Variants in GOLGA6L2 observed in about 807,000 individuals in gnomAD.
GOLGA6L2 encodes golgin A6 family like 2, also known as golgin subfamily A member 6-like protein 2.
In GOLGA6L2, 30 loss-of-function variants were observed where a neutral mutation model predicts 35.9. The ratio of observed to expected loss-of-function variants is 0.83; its 90% CI spans 0.62 to 1.13. GOLGA6L2 has a LOEUF of 1.13. Among genes scored for constraint, GOLGA6L2 ranks in the 50% most tolerant of loss-of-function variants. The pLI is 0.00. For missense variants in GOLGA6L2, 821 were observed against 973.4 expected (o/e 0.84, Z 2.08); for synonymous variants, 297 against 344.0 (o/e 0.86, Z 1.51).
chr15:23,439,802 G>A lies in GOLGA6L2; in HGVS notation c.2673C>T (p.Ala891=). ...CTCTGAGCACCGCTCCTCGTGCTCT[G>A]GCAGCCTCTCCTGCATCTTCTCTTT... The part of the protein sequence containing the change: ...RSEREDAGEA[A]RARGAVLRAL... Residue 891 remains alanine (A), a synonymous_variant, in exon 8 of 8, where the codon GCC becomes GCT. Transcript: ENST00000567107. The A allele has an allele frequency of 6.5e-7, 1 of 1,533,508 alleles. No homozygotes were observed. Among genetic ancestry groups the A allele is most frequent in the Non-Finnish European group, 8.7e-7 (1 of 1,146,028 alleles). 95.0% of individuals were successfully genotyped at this position (1,533,508 alleles called of 1,614,324 possible). A position where few individuals can be genotyped will look rare whatever the true frequency, so the allele number is the denominator to read the frequency against.
rs758847602 is a variant in GOLGA6L2 at position 23,441,546 on chromosome 15, C to T, written c.929G>A (p.Arg310Gln). 12 of 1,450,530 alleles carry T rather than the reference C, an allele frequency of 8.3e-6. No homozygotes were observed. The African/African-American group carries it at 1.0e-4, about 12-fold the overall frequency. 89.9% of individuals were successfully genotyped at this position (1,450,530 alleles called of 1,614,324 possible). A position where few individuals can be genotyped will look rare whatever the true frequency, so the allele number is the denominator to read the frequency against. The change falls in exon 8 of 8, where the codon CGG (arginine) becomes CAG (glutamine). Residue 310 changes from arginine to glutamine, a missense_variant. This residue lies in a region of GOLGA6L2 where 614 missense variants were observed against 632.3 expected (regional missense o/e 0.97). Coordinates refer to ENST00000567107, the MANE Select transcript of GOLGA6L2 (RefSeq NM_001304388.2). ...ERLREQEGKM[R>Q]EQEEKMRRQE... is the part of the protein sequence containing the mutation. ...TCTCCGCATCTTCTCCTCCTGCTCC[C>T]GCATCTTCCCCTCCTGCTCCCGCAG...
Position 23,439,702 on chromosome 15 carries a change from A to G in GOLGA6L2, c.*43T>C. On this transcript the variant is annotated 3_prime_UTR_variant, in exon 8 of 8. Transcript: ENST00000567107. ...GGTTGTCCTGCGGAGAACCCTCCCC[A>G]GCCTCTCCTCCTGCAGGCTCCACAC... 2 of 1,537,274 alleles carry G rather than the reference A, an allele frequency of 1.3e-6. No homozygotes were observed. The highest frequency in any genetic ancestry group is 1.7e-4 in the Middle Eastern group (1 of 5,992).
At chr15:23,441,752 A>T in intron 7 of GOLGA6L2, 70 bp from the exon 8 acceptor site, 1 of 1,423,840 alleles carries the variant, frequency 7.0e-7, no homozygotes, top group Non-Finnish European at 9.2e-7. Flanking sequence ...TTCATCTATG[A>T]TTCTTTAAAA....
Position 23,440,968 on chromosome 15 carries a change from G to A in GOLGA6L2, c.1507C>T (p.Gln503Ter). ...LPEQKEKLWE[Q>*]EKMQEQEEKI... Reference sequence around the variant, plus strand: ...TCCTCCTGCTCCTGCATCTTCTCCTGTTCCCACAGCTTCTCCTTCTGTTCC... The same window carrying A: ...TCCTCCTGCTCCTGCATCTTCTCCTATTCCCACAGCTTCTCCTTCTGTTCC... The change falls in exon 8 of 8, where the codon CAG becomes TAG. Residue 503 changes from glutamine to a stop codon, truncating the protein, a stop_gained. Transcript: ENST00000567107. LOFTEE classifies it low-confidence loss of function (END_TRUNC). 1 of 1,529,586 alleles carries A rather than the reference G, an allele frequency of 6.5e-7. No individual in the cohort carries two copies. The highest frequency in any genetic ancestry group is 8.8e-7 in the Non-Finnish European group (1 of 1,138,584). 94.8% of individuals were successfully genotyped at this position (1,529,586 alleles called of 1,614,324 possible).
chr15:23,441,888 T>A, intron 7 of GOLGA6L2, 91 bp downstream of exon 7: 1 of 1,465,678 alleles, frequency 6.8e-7, no homozygotes, highest in Non-Finnish European at 9.0e-7. Context: ...TTCCAGCTCT[T>A]GGCTGGACCC....
rs1462154563 is a variant in GOLGA6L2, at chr15:23,439,087, A to G, written c.*658T>C. ...GAATGCCATAAAACAAAACAAGACT[A>G]AATGAGAAAGACCAAGAAGAAAAAC... On this transcript the variant is annotated 3_prime_UTR_variant, in exon 8 of 8. Transcript: ENST00000567107. 1.3e-5 allele frequency among the ~76,000 whole-genome samples: 2 copies of G among 152,142 alleles called. No individual in the cohort carries two copies. Among genetic ancestry groups the G allele is most frequent in the Admixed American group, 1.3e-4 (2 of 15,280 alleles).
Position 23,442,008 on chromosome 15 carries a change from G to A in GOLGA6L2, c.763C>T (p.Leu255=). 6.5e-7 allele frequency: 1 copy of A among 1,545,160 alleles called. No individual in the cohort carries two copies. Among genetic ancestry groups the A allele is most frequent in the South Asian group, 1.2e-5 (1 of 84,672 alleles). ...GGCAGCAGGAACTTGGCCCTCTCCA[G>A]TTTCCTTTTTAGCTCCTTCACGTTG... ...QLNVKELKRK[L]ERAKFLLPQV... is the part of the protein sequence containing the mutation. Residue 255 remains leucine (L), a synonymous_variant, in exon 7 of 8, where the codon CTG becomes TTG. Coordinates refer to ENST00000567107, the MANE Select transcript of GOLGA6L2 (RefSeq NM_001304388.2).
Position 23,444,465 on chromosome 15 carries a change from C to G in GOLGA6L2, c.243+6G>C. The G allele has an allele frequency of 6.2e-7, 1 of 1,600,540 alleles. No individual in the cohort carries two copies. Among genetic ancestry groups the G allele is most frequent in the Non-Finnish European group, 8.5e-7 (1 of 1,179,746 alleles). The stretch of plus-strand genomic sequence containing the variant: ...AGTCATGTCGTGAGCAAACAAATCA[C>G]GTTACTTCTTTCAGCTGCGCTCGGT... On this transcript the variant is annotated splice_donor_region_variant and intron_variant, in intron 3 of 7. Coordinates refer to ENST00000567107, the MANE Select transcript of GOLGA6L2 (RefSeq NM_001304388.2).
chr15:23,443,177 A>G (rs1179531242), intron 5 of GOLGA6L2, among the ~76,000 whole-genome samples: 2 of 152,154 alleles, frequency 1.3e-5, no homozygotes, highest in South Asian at 2.1e-4. Context: ...CTCTAAGCCC[A>G]TTCTTTCCCT....
chr15:23,441,823 A>C (rs2070696953), intron 7 of GOLGA6L2, 141 bp from the exon 8 acceptor site: 1 of 1,362,448 alleles, frequency 7.3e-7, no homozygotes, highest in African/African-American at 1.5e-5. Flanking sequence ...AAATTTGTAG[A>C]TTTTTAGCAC....
At position 23,439,153 on chromosome 15, in the gene GOLGA6L2, C is replaced by CTTTTTT. The variant is rs3038535; in HGVS notation, c.*586_*591dup. Among the ~76,000 whole-genome samples, 793 of 138,700 alleles carry CTTTTTT rather than the reference C, an allele frequency of 5.7e-3. 21 individuals are homozygous for CTTTTTT. The highest frequency in any genetic ancestry group is 0.019 in the African/African-American group (724 of 37,666). 91.0% of individuals were successfully genotyped at this position (138,700 alleles called of 152,430 possible). ...AGATATCAGAGTCCTCAGGTAGAAA[C>CTTTTTT]TTTTTTTTTTTTTTTGAGATGGAAT... is the stretch of plus-strand genomic sequence containing the variant. On this transcript the variant is annotated 3_prime_UTR_variant, in exon 8 of 8. Transcript: ENST00000567107.
chr15:23,446,907 C>T (rs913864502), intron 1 of GOLGA6L2, among the ~76,000 whole-genome samples, 191 bp downstream of exon 1: 5 of 151,460 alleles, frequency 3.3e-5, no homozygotes, highest in African/African-American at 4.9e-5. Context: ...GGGTCACTGG[C>T]AAGGGCCGGG....
chr15:23,447,061 G>T, intron 1 of GOLGA6L2, 37 bp downstream of exon 1: 1 of 1,057,902 alleles, frequency 9.5e-7, no homozygotes, highest in Non-Finnish European at 1.4e-6. Flanking sequence ...CCTGGGGCTG[G>T]GTTGGGGTTG....
Position 23,443,760 on chromosome 15 carries a change from G to T in GOLGA6L2, c.591+17C>A, listed in dbSNP as rs1209769914. 1.3e-6 allele frequency: 2 copies of T among 1,527,854 alleles called. No homozygotes were observed. Among genetic ancestry groups the T allele is most frequent in the Admixed American group, 3.9e-5 (2 of 51,000 alleles). The allele number at this position is 1,527,854 out of a possible 1,614,324, so 94.6% of individuals were successfully genotyped here. ...GAAGCTGGGATCCCAGGAGACTGGG[G>T]AGGTGATTGGACTTACCCTGTCTGC... is the stretch of plus-strand genomic sequence containing the variant. On this transcript the variant is annotated intron_variant, in intron 5 of 7. Transcript: ENST00000567107.
In GOLGA6L2 at chr15:23,444,211, T is replaced by C. The variant is rs2070731969; in HGVS notation, c.245A>G (p.Glu82Gly). 6.2e-7 allele frequency: 1 copy of C among 1,604,006 alleles called. No individual in the cohort carries two copies. The highest frequency in any genetic ancestry group is 1.7e-5 in the Admixed American group (1 of 59,510). ...TQQNRAQLKE[E>G]KKASHQHQEA... ...CTGATGTTGGTGGCTTGCCTTCTTT[T>C]CCTATAGAAAGAGGAAGACAGAGCT... Residue 82 changes from glutamate (E) to glycine (G), a missense_variant and splice_region_variant, in exon 4 of 8, where the codon GAA (glutamate) becomes GGA (glycine). Glu to Gly is a moderately conservative substitution (Grantham distance 98). This residue lies in a region of GOLGA6L2 where 614 missense variants were observed against 632.3 expected (regional missense o/e 0.97). Coordinates refer to ENST00000567107, the MANE Select transcript of GOLGA6L2 (RefSeq NM_001304388.2).
chr15:23,441,749 A>G (rs2070695948), intron 7 of GOLGA6L2, 67 bp from the exon 8 acceptor site: 7 of 1,425,936 alleles, frequency 4.9e-6, no homozygotes, highest in Non-Finnish European at 6.4e-6. Flanking sequence ...GTTTTCATCT[A>G]TGATTCTTTA....
chr15:23,446,987 G>A (rs140042216), intron 1 of GOLGA6L2, 111 bp downstream of exon 1: 1 of 601,024 alleles, frequency 1.7e-6, no homozygotes, highest in East Asian at 3.0e-5. Context: ...CACTGGGGGG[G>A]ACCCAGCCCA....
At position 23,442,003 on chromosome 15, in the gene GOLGA6L2, C is replaced by T. The variant is rs558109061; in HGVS notation, c.768G>A (p.Glu256=). The T allele has an allele frequency of 6.5e-7, 1 of 1,544,750 alleles. No individual in the cohort carries two copies. The highest frequency in any genetic ancestry group is 1.2e-5 in the South Asian group (1 of 84,618). The change falls in exon 7 of 8, where the codon GAG becomes GAA. Residue 256 remains glutamate (E), a synonymous_variant. Transcript: ENST00000567107. The part of the protein sequence containing the change: ...LNVKELKRKL[E]RAKFLLPQVQ... ...CCTGTGGCAGCAGGAACTTGGCCCT[C>T]TCCAGTTTCCTTTTTAGCTCCTTCA...
At position 23,441,172 on chromosome 15, in the gene GOLGA6L2, G is replaced by T; in HGVS notation, c.1303C>A (p.Gln435Lys). The change falls in exon 8 of 8, where the codon CAG (glutamine) becomes AAG (lysine). Residue 435 changes from glutamine to lysine, a missense_variant. By Grantham distance (53) the Gln-to-Lys change is moderately conservative. Coordinates refer to ENST00000567107, the MANE Select transcript of GOLGA6L2 (RefSeq NM_001304388.2). Reference sequence around the variant, plus strand: ...TCCTGGTCCCGCGTCTTCTTCTCCTGCTCCTGCATCTTCTTCTCCTCCCGC... The same window carrying T: ...TCCTGGTCCCGCGTCTTCTTCTCCTTCTCCTGCATCTTCTTCTCCTCCCGC... ...KMREEKKMQE[Q>K]EKKTRDQEEK... 6.6e-7 allele frequency: 1 copy of T among 1,522,984 alleles called. No homozygotes were observed. 94.3% of individuals were successfully genotyped at this position (1,522,984 alleles called of 1,614,324 possible).
Sources: allele counts gnomAD v4.1 joint callset (sites outside exome capture counted in the v4.1 genomes callset), GRCh38; gene constraint gnomAD v4.1.1; regional missense constraint gnomAD v4.1.1; transcripts MANE v1.5; gene names NCBI Gene and HGNC (gene_info 2026-07-23, HGNC 2026-07-21).